CFAP221: variants seen among roughly 807,000 people sequenced by gnomAD.
CFAP221 encodes the protein cilia and flagella associated protein 221.
In CFAP221, 97 loss-of-function variants were observed where a neutral mutation model predicts 113.1. The ratio of observed to expected loss-of-function variants is 0.86; its 90% CI spans 0.73 to 1.02. The LOEUF (loss-of-function observed/expected upper bound fraction) is 1.02, where lower values mean the gene tolerates loss of function less well. Ranked by LOEUF, CFAP221 falls within the 50% of genes least tolerant of loss-of-function variation. CFAP221 has a pLI of 0.00. For synonymous variants in CFAP221, 331 were observed against 354.4 expected (o/e 0.93, Z 0.74); for missense variants, 1,025 against 1,013.4 (o/e 1.01, Z -0.16).
chr2:119,579,792 A>G (rs963377814), intron 6 of CFAP221, among the ~76,000 whole-genome samples: 1 of 152,190 alleles, frequency 6.6e-6, no homozygotes, highest in African/African-American at 2.4e-5. Flanking sequence ...AACAAATGGG[A>G]AAAGCTCCAG....
At chr2:119,624,869 A>G (rs1686183343) in intron 14 of CFAP221, among the ~76,000 whole-genome samples, 1 of 152,140 alleles carries the variant, frequency 6.6e-6, no homozygotes, top group Non-Finnish European at 1.5e-5. Context: ...AGGGCCTGTC[A>G]GAGGGTGGGT....
chr2:119,578,572 A>G (rs1004284422), intron 6 of CFAP221, among the ~76,000 whole-genome samples: 6 of 152,244 alleles, frequency 3.9e-5, no homozygotes, highest in African/African-American at 1.4e-4. Flanking sequence ...CTTGGTAGTG[A>G]TACCACCACA....
chr2:119,641,096 T>C (rs954207859), intron 21 of CFAP221, among the ~76,000 whole-genome samples: 1 of 152,208 alleles, frequency 6.6e-6, no homozygotes, highest in African/African-American at 2.4e-5. Context: ...GAACACTGAA[T>C]TTGACTTCCT....
At chr2:119,576,504 T>C (rs1332194434) in intron 6 of CFAP221, among the ~76,000 whole-genome samples, 2 of 152,342 alleles carry the variant, frequency 1.3e-5, no homozygotes, top group African/African-American at 4.8e-5. Flanking sequence ...CCTTTACCTC[T>C]AATATTGGTC....
At chr2:119,641,712 C>G (rs536868168) in intron 21 of CFAP221, among the ~76,000 whole-genome samples, 17 of 152,316 alleles carry the variant, frequency 1.1e-4, no homozygotes, top group Non-Finnish European at 1.9e-4. Context: ...TTCTACCCTC[C>G]TTCCCCGCCC....
chr2:119,590,559 T>C (rs1332425214), intron 7 of CFAP221, among the ~76,000 whole-genome samples: 1 of 152,240 alleles, frequency 6.6e-6, no homozygotes, highest in East Asian at 1.9e-4. Flanking sequence ...CCATCTCAGC[T>C]GGGCTCAGCC....
intron 8 of CFAP221, chr2:119,602,804 A>G (rs1039491647): frequency 1.0e-4 from 100 of 982,532 alleles, no homozygotes; most frequent in Non-Finnish European, 1.2e-4. Flanking sequence ...AGGTGCTACA[A>G]TACTCAAATG....
At chr2:119,622,574 A>T (rs1686007672) in intron 14 of CFAP221, among the ~76,000 whole-genome samples, 1 of 152,312 alleles carries the variant, frequency 6.6e-6, no homozygotes, top group Non-Finnish European at 1.5e-5. Context: ...AAAAAAGAAA[A>T]TTTCAGGCCA....
intron 11 of CFAP221, among the ~76,000 whole-genome samples, chr2:119,607,817 C>A (rs79121533): frequency 6.6e-6 from 1 of 152,294 alleles, no homozygotes; most frequent in Admixed American, 6.5e-5. Flanking sequence ...AAGATTCATC[C>A]ACATCATAAC....
At chr2:119,595,341 G>C (rs937887870) in intron 7 of CFAP221, among the ~76,000 whole-genome samples, 10 of 152,174 alleles carry the variant, frequency 6.6e-5, no homozygotes, top group African/African-American at 2.4e-4. Flanking sequence ...CCATGTCTCA[G>C]TTTACAGGAC....
At chr2:119,609,607 C>T (rs1473417783) in intron 12 of CFAP221, among the ~76,000 whole-genome samples, 2 of 152,202 alleles carry the variant, frequency 1.3e-5, no homozygotes, top group Non-Finnish European at 2.9e-5. Flanking sequence ...AAGACCGACT[C>T]TCACAGCCTC....
At chr2:119,647,438 A>C (rs1687879092) in intron 22 of CFAP221, among the ~76,000 whole-genome samples, 1 of 152,214 alleles carries the variant, frequency 6.6e-6, no homozygotes, top group South Asian at 2.1e-4. Flanking sequence ...ACTGATCAGC[A>C]CGCAACAGCC....
intron 8 of CFAP221, 147 bp downstream of exon 8, chr2:119,601,524 C>A: frequency 1.4e-6 from 1 of 722,866 alleles, no homozygotes; most frequent in Non-Finnish European, 2.1e-6. Flanking sequence ...TACTGTAAAA[C>A]ATAACAGAAA....
intron 3 of CFAP221, among the ~76,000 whole-genome samples, chr2:119,552,900 A>G (rs1558905851): frequency 2.0e-5 from 3 of 152,094 alleles, no homozygotes; most frequent in Non-Finnish European, 2.9e-5. Context: ...TGTTATCTCT[A>G]ACGAAGTTGT....
At chr2:119,624,074 G>C (rs1212017143) in intron 14 of CFAP221, among the ~76,000 whole-genome samples, 1 of 152,138 alleles carries the variant, frequency 6.6e-6, no homozygotes, top group Non-Finnish European at 1.5e-5. Context: ...TCATCAGAGT[G>C]AACAGGCAAC....
At chr2:119,565,183 C>A (rs1681533620) in intron 6 of CFAP221, among the ~76,000 whole-genome samples, 2 of 152,184 alleles carry the variant, frequency 1.3e-5, no homozygotes, top group African/African-American at 4.8e-5. Context: ...ACCAACCCTT[C>A]CTGTGTTCGC....
intron 11 of CFAP221, among the ~76,000 whole-genome samples, chr2:119,607,205 C>G (rs989609173): frequency 6.6e-6 from 1 of 152,174 alleles, no homozygotes; most frequent in African/African-American, 2.4e-5. Flanking sequence ...ATTGCCCAGG[C>G]TGGTCTCGAA....
intron 14 of CFAP221, among the ~76,000 whole-genome samples, chr2:119,623,119 A>G (rs1686056779): frequency 6.6e-6 from 1 of 152,190 alleles, no homozygotes; most frequent in South Asian, 2.1e-4. Flanking sequence ...AGAAAACCCC[A>G]TTGTCTCAGC....
chr2:119,591,785 C>A (rs1185049798), intron 7 of CFAP221, among the ~76,000 whole-genome samples: 1 of 152,192 alleles, frequency 6.6e-6, no homozygotes, highest in Non-Finnish European at 1.5e-5. Context: ...GAAAGCCAGT[C>A]TTCCAGGAGG....
Sources: allele counts gnomAD v4.1 joint callset (sites outside exome capture counted in the v4.1 genomes callset), GRCh38; gene constraint gnomAD v4.1.1; transcripts MANE v1.5; gene names NCBI Gene and HGNC (gene_info 2026-07-23, HGNC 2026-07-21).